Variants in DENND1A observed in about 807,000 individuals in gnomAD.
DENND1A encodes the protein DENN domain-containing protein 1A.
Under a neutral mutation model 113.7 loss-of-function variants are expected in DENND1A, and 51 were observed. The ratio of observed to expected loss-of-function variants is 0.45; its 90% CI spans 0.36 to 0.57. DENND1A has a LOEUF of 0.57. Ranked by LOEUF, DENND1A falls within the 20% of genes least tolerant of loss-of-function variation. DENND1A has a pLI of 0.00. For missense variants in DENND1A, 1,258 were observed against 1,395.9 expected, an observed-to-expected ratio of 0.90 and a Z score of 1.57; for synonymous variants, 565 against 570.8, an observed-to-expected ratio of 0.99 and a Z score of 0.14.
intron 5 of DENND1A, among the ~76,000 whole-genome samples, chr9:123,693,537 C>G (rs1338942868): frequency 2.0e-5 from 3 of 151,920 alleles, no homozygotes; most frequent in African/African-American, 7.3e-5. Flanking sequence ...TTCAGAACAT[C>G]ATAGAAATGG....
At chr9:123,483,009 G>C (rs1564571888) in intron 13 of DENND1A, among the ~76,000 whole-genome samples, 1 of 152,028 alleles carries the variant, frequency 6.6e-6, no homozygotes, top group African/African-American at 2.4e-5. Flanking sequence ...CACTTCAAGA[G>C]GATCATTCTG....
intron 19 of DENND1A, among the ~76,000 whole-genome samples, chr9:123,418,189 C>T (rs1188059997): frequency 6.6e-6 from 1 of 152,224 alleles, no homozygotes; most frequent in African/African-American, 2.4e-5. Flanking sequence ...CAGGAGCCTG[C>T]CCAGGCCTCC....
chr9:123,500,516 T>G (rs981989521), intron 13 of DENND1A, among the ~76,000 whole-genome samples: 1 of 152,156 alleles, frequency 6.6e-6, no homozygotes, highest in Non-Finnish European at 1.5e-5. Flanking sequence ...CTCCTACTCA[T>G]CCCTTAAAAC....
intron 13 of DENND1A, among the ~76,000 whole-genome samples, chr9:123,466,498 C>G (rs1387413817): frequency 6.6e-6 from 1 of 152,138 alleles, no homozygotes; most frequent in Non-Finnish European, 1.5e-5. Context: ...TAGGTTTTCA[C>G]CATGTTGGTC....
rs1261278102 is a variant in DENND1A, at chr9:123,452,361, G to T, written c.1228-14C>A. ...TCCACTTCCTTTCTATAATAAAAAT[G>T]TCAATTAGCAATTTGGGCTGAAGAC... On this transcript the variant is annotated splice_polypyrimidine_tract_variant and intron_variant, in intron 16 of 23. Coordinates refer to ENST00000394215, the MANE Select transcript of DENND1A (RefSeq NM_001352964.2). The T allele has an allele frequency of 6.2e-7, 1 of 1,611,944 alleles. No homozygotes were observed. The highest frequency in any genetic ancestry group is 8.5e-7 in the Non-Finnish European group (1 of 1,177,978).
At chr9:123,421,204 T>C (rs1333365420) in intron 19 of DENND1A, among the ~76,000 whole-genome samples, 6 of 151,036 alleles carry the variant, frequency 4.0e-5, no homozygotes, top group Non-Finnish European at 7.4e-5. Flanking sequence ...TGACACTTGC[T>C]AGGTACCAGG....
chr9:123,438,957 G>T (rs1388873759), intron 19 of DENND1A, among the ~76,000 whole-genome samples: 2 of 152,176 alleles, frequency 1.3e-5, no homozygotes, highest in African/African-American at 4.8e-5. Flanking sequence ...TCTGTAATGG[G>T]CTCCAAACTC....
intron 13 of DENND1A, among the ~76,000 whole-genome samples, chr9:123,520,090 G>C (rs2054264351): frequency 6.9e-6 from 1 of 144,292 alleles, no homozygotes; most frequent in African/African-American, 2.6e-5. Flanking sequence ...AGCTCATGAG[G>C]CTGCAGTTTT....
At chr9:123,667,497 A>G (rs1487948398) in intron 7 of DENND1A, among the ~76,000 whole-genome samples, 1 of 152,130 alleles carries the variant, frequency 6.6e-6, no homozygotes, top group East Asian at 1.9e-4. Flanking sequence ...GGCACCTGTA[A>G]TCCCAGACAC....
At chr9:123,601,825 A>G (rs542545799) in intron 11 of DENND1A, among the ~76,000 whole-genome samples, 8 of 152,342 alleles carry the variant, frequency 5.3e-5, no homozygotes, top group African/African-American at 1.9e-4. Flanking sequence ...AGTGGACCAG[A>G]TAAGTTAACC....
chr9:123,910,973 G>C (rs779209918), intron 1 of DENND1A, among the ~76,000 whole-genome samples: 2 of 152,126 alleles, frequency 1.3e-5, no homozygotes, highest in African/African-American at 4.8e-5. Flanking sequence ...GCACTATTAA[G>C]TGTAAAAAGG....
intron 21 of DENND1A, among the ~76,000 whole-genome samples, chr9:123,402,889 A>G (rs149545969): frequency 4.4e-4 from 67 of 152,312 alleles, no homozygotes; most frequent in Non-Finnish European, 8.4e-4. Context: ...CATAACACCC[A>G]GGGAGCTCCG....
intron 2 of DENND1A, among the ~76,000 whole-genome samples, chr9:123,834,139 C>G (rs1445038593): frequency 1.3e-5 from 2 of 152,096 alleles, no homozygotes; most frequent in African/African-American, 4.8e-5. Context: ...TTTTTAAATC[C>G]TTGATACAAA....
chr9:123,784,952 G>C (rs985842301), intron 3 of DENND1A, among the ~76,000 whole-genome samples: 4 of 152,066 alleles, frequency 2.6e-5, no homozygotes, highest in Non-Finnish European at 4.4e-5. Flanking sequence ...ATATACTTTC[G>C]TTAAGATGTC....
At chr9:123,395,735 G>A (rs2043093583) in intron 21 of DENND1A, among the ~76,000 whole-genome samples, 1 of 152,114 alleles carries the variant, frequency 6.6e-6, no homozygotes, top group African/African-American at 2.4e-5. Flanking sequence ...GGGATGCACT[G>A]GCAGCTTCAT....
chr9:123,818,569 T>C (rs10818875), intron 2 of DENND1A, among the ~76,000 whole-genome samples: 3,298 of 38,242 alleles, frequency 0.086, 46 homozygotes, highest in Non-Finnish European at 0.17. Flanking sequence ...CACACACACA[T>C]ATATATATAT....
intron 2 of DENND1A, among the ~76,000 whole-genome samples, chr9:123,828,614 T>A (rs528321596): frequency 8.3e-6 from 1 of 121,150 alleles, no homozygotes; most frequent in African/African-American, 3.4e-5. Flanking sequence ...AAATTAAAAA[T>A]GAAAAGGAAA....
chr9:123,902,622 A>G (rs191639415), intron 1 of DENND1A, among the ~76,000 whole-genome samples: 1 of 152,338 alleles, frequency 6.6e-6, no homozygotes, highest in East Asian at 1.9e-4. Context: ...GTCAAAAAAC[A>G]TTGCAAATGA....
intron 13 of DENND1A, among the ~76,000 whole-genome samples, chr9:123,462,320 G>C (rs941894025): frequency 6.6e-6 from 1 of 152,246 alleles, no homozygotes; most frequent in African/African-American, 2.4e-5. Flanking sequence ...AGGAATAACT[G>C]AGGTAAAGAC....
Sources: gnomAD v4.1 joint callset for allele counts (sites outside exome capture counted in the v4.1 genomes callset) on GRCh38, gnomAD v4.1.1 for gene constraint, MANE v1.5 for transcripts, NCBI Gene and HGNC (gene_info 2026-07-23, HGNC 2026-07-21) for gene names.